Variants in AP3B1 observed in about 807,000 individuals in gnomAD.
AP3B1 encodes adaptor related protein complex 3 subunit beta 1.
Under a neutral mutation model 132.5 loss-of-function variants are expected in AP3B1, and 61 were observed. The ratio of observed to expected loss-of-function variants is 0.46; its 90% CI spans 0.37 to 0.57. AP3B1 has a LOEUF of 0.57. Among genes scored for constraint, AP3B1 ranks in the 20% least tolerant of loss-of-function variants. AP3B1 has a pLI of 0.00. For synonymous variants in AP3B1, 388 were observed against 438.3 expected (o/e 0.89, Z 1.43); for missense variants, 1,120 against 1,289.4 (o/e 0.87, Z 2.01).
At chr5:78,046,351 A>G (rs2112115150) in intron 22 of AP3B1, among the ~76,000 whole-genome samples, 1 of 152,318 alleles carries the variant, frequency 6.6e-6, no homozygotes, top group South Asian at 2.1e-4. Flanking sequence ...CACGCCCCTT[A>G]TGAGCATCTA....
chr5:78,270,877 C>A (rs1301316491), intron 1 of AP3B1, among the ~76,000 whole-genome samples: 1 of 152,144 alleles, frequency 6.6e-6, no homozygotes, highest in East Asian at 1.9e-4. Flanking sequence ...GATTCTGTAG[C>A]TCTATTCTCA....
intron 1 of AP3B1, 26 bp downstream of exon 1, chr5:78,294,426 C>G (rs973328827): frequency 6.2e-7 from 1 of 1,613,918 alleles, no homozygotes; most frequent in East Asian, 2.2e-5. Flanking sequence ...CCCTCCCATC[C>G]CCGCAACCCA....
intron 6 of AP3B1, chr5:78,222,392 G>A (rs984097399): frequency 6.5e-6 from 1 of 153,146 alleles, no homozygotes. Context: ...CATTAAAGTA[G>A]AGGAGACCCA....
chr5:78,183,348 C>T (rs1744448385), intron 7 of AP3B1, among the ~76,000 whole-genome samples: 2 of 152,084 alleles, frequency 1.3e-5, no homozygotes, highest in Non-Finnish European at 2.9e-5. Context: ...AATATCCAGT[C>T]TCAAAGTATC....
chr5:78,146,314 T>TGTG, intron 14 of AP3B1, among the ~76,000 whole-genome samples: 1 of 152,170 alleles, frequency 6.6e-6, no homozygotes, highest in Non-Finnish European at 1.5e-5. Context: ...GGTTGACCAT[T>TGTG]TTGAGGGTTC....
chr5:78,130,530 A>T (rs1752641654), intron 15 of AP3B1, among the ~76,000 whole-genome samples: 3 of 152,110 alleles, frequency 2.0e-5, no homozygotes, highest in Admixed American at 1.3e-4. Context: ...AAATGTTAAT[A>T]GAGCTATTCT....
chr5:78,120,201 T>C (rs894790797), intron 17 of AP3B1, among the ~76,000 whole-genome samples: 1 of 151,894 alleles, frequency 6.6e-6, no homozygotes. Context: ...GCACTAAATA[T>C]GGAAAAGAAC....
At chr5:78,083,748 GATAATA>G (rs1329026741) in intron 22 of AP3B1, among the ~76,000 whole-genome samples, 1 of 152,032 alleles carries the variant, frequency 6.6e-6, no homozygotes, top group Non-Finnish European at 1.5e-5. Flanking sequence ...TCCTTATAAT[GATAATA>G]ATGTTTGTCA....
chr5:78,263,653 G>T (rs1176336111), intron 2 of AP3B1, among the ~76,000 whole-genome samples: 1 of 152,146 alleles, frequency 6.6e-6, no homozygotes. Flanking sequence ...TTAACAGATA[G>T]GTTGAGGTAG....
intron 24 of AP3B1, among the ~76,000 whole-genome samples, chr5:78,027,038 T>G (rs1747366420): frequency 6.6e-6 from 1 of 152,186 alleles, no homozygotes; most frequent in Non-Finnish European, 1.5e-5. Context: ...GCTGCACTGC[T>G]TTCTCATTAT....
chr5:78,286,668 T>C (rs1031704457), intron 1 of AP3B1, among the ~76,000 whole-genome samples: 2 of 152,230 alleles, frequency 1.3e-5, no homozygotes, highest in African/African-American at 4.8e-5. Flanking sequence ...CAGGGCCTTA[T>C]TCATTCTTCT....
intron 1 of AP3B1, among the ~76,000 whole-genome samples, chr5:78,274,096 C>T (rs777841115): frequency 2.2e-4 from 31 of 143,612 alleles, no homozygotes; most frequent in Non-Finnish European, 4.2e-4. Flanking sequence ...AGTTATCACA[C>T]AGGGATTTTA....
chr5:78,161,085 T>C (rs1426100248), intron 13 of AP3B1, among the ~76,000 whole-genome samples: 1 of 151,990 alleles, frequency 6.6e-6, no homozygotes, highest in Non-Finnish European at 1.5e-5. Flanking sequence ...TTAAACTAAA[T>C]CCTTCTACTT....
At chr5:78,074,915 A>G (rs921018805) in intron 22 of AP3B1, among the ~76,000 whole-genome samples, 2 of 152,258 alleles carry the variant, frequency 1.3e-5, no homozygotes, top group Non-Finnish European at 2.9e-5. Flanking sequence ...CCTGGGCAAC[A>G]AAAGCAAAAC....
intron 6 of AP3B1, 27 bp from the exon 7 acceptor site, chr5:78,216,264 T>C (rs778150535): frequency 3.1e-6 from 5 of 1,602,306 alleles, no homozygotes; most frequent in Non-Finnish European, 4.3e-6. Flanking sequence ...TAGTAACTTA[T>C]TAAAAAATGT....
At chr5:78,158,478 A>T (rs905670692) in intron 13 of AP3B1, among the ~76,000 whole-genome samples, 1 of 146,496 alleles carries the variant, frequency 6.8e-6, no homozygotes, top group Non-Finnish European at 1.5e-5. Flanking sequence ...ACCTAGTATG[A>T]TTTAACTAAA....
intron 5 of AP3B1, among the ~76,000 whole-genome samples, chr5:78,226,074 C>T (rs1278565441): frequency 6.6e-6 from 1 of 151,852 alleles, no homozygotes; most frequent in Non-Finnish European, 1.5e-5. Context: ...AATCTGCCAA[C>T]TAAAACTAGG....
chr5:78,004,620 A>G (rs1746317474), intron 26 of AP3B1, among the ~76,000 whole-genome samples: 1 of 152,262 alleles, frequency 6.6e-6, no homozygotes, highest in Admixed American at 6.5e-5. Context: ...CAAAACAGAT[A>G]TGCTAATTTT....
rs1031729952 is a variant in AP3B1 at position 78,200,641 on chromosome 5, C to A, written c.786+15414G>T. On this transcript the variant is annotated intron_variant, in intron 7 of 26. Transcript: ENST00000255194. ...TGCACCCCAACCTGGGCAACAGAGA[C>A]CCTGCCTCATTAAAAACAACAACAA... 8.6e-5 allele frequency among the ~76,000 whole-genome samples: 13 copies of A among 152,008 alleles called. No individual in the cohort carries two copies. In the South Asian group the frequency reaches 1.0e-3, roughly 12 times the overall value.
Sources: gnomAD v4.1 joint callset for allele counts (sites outside exome capture counted in the v4.1 genomes callset) on GRCh38, gnomAD v4.1.1 for gene constraint, MANE v1.5 for transcripts, NCBI Gene and HGNC (gene_info 2026-07-23, HGNC 2026-07-21) for gene names.